Variants in PLD5 observed in about 807,000 individuals in gnomAD.
PLD5 encodes inactive phospholipase D5.
PLD5 carries 36 observed loss-of-function variants against 61.1 expected under a neutral mutation model. That is an observed-to-expected ratio of 0.59 (90% confidence interval 0.45 to 0.78). The LOEUF is 0.78. Among genes scored for constraint, PLD5 ranks in the 30% least tolerant of loss-of-function variants. The probability of loss-of-function intolerance (pLI) is 0.00; values close to 1 mark genes in which losing one functional copy is unlikely to be tolerated. For synonymous variants in PLD5, 243 were observed against 242.8 expected (o/e 1.00, Z -0.01); for missense variants, 515 against 644.4 (o/e 0.80, Z 2.17).
At position 242,132,206 on chromosome 1, in the gene PLD5, G is replaced by GC. The variant is rs1491310667; in HGVS notation, c.736-7542_736-7541insG. On this transcript the variant is annotated intron_variant, in intron 5 of 9. Transcript: ENST00000536534. ...TGCAGTGATTGCGGGGGGGGGGGGGGGCGGAATCATTTTTAGCTAGGTCAT... is the reference window on the plus strand; with the variant it reads ...TGCAGTGATTGCGGGGGGGGGGGGGGCGCGGAATCATTTTTAGCTAGGTCAT... Among the ~76,000 whole-genome samples the GC allele has an allele frequency of 1.1e-3, 94 of 87,066 alleles. 11 individuals are homozygous for GC. The highest frequency in any genetic ancestry group is 5.1e-3 in the African/African-American group (89 of 17,608). 57.1% of individuals were successfully genotyped at this position (87,066 alleles called of 152,430 possible).
At chr1:242,277,592 T>C (rs1674482622) in intron 3 of PLD5, among the ~76,000 whole-genome samples, 1 of 150,286 alleles carries the variant, frequency 6.7e-6, no homozygotes, top group Admixed American at 6.7e-5. Context: ...GTAAGTCTAA[T>C]ACATTGTATG....
rs73130704 is a variant in PLD5 at position 242,091,028 on chromosome 1, C to T, written c.1355-918G>A. 8.7e-3 allele frequency among the ~76,000 whole-genome samples: 1,322 copies of T among 152,200 alleles called. 24 individuals are homozygous for T. Among genetic ancestry groups the T allele is most frequent in the African/African-American group, 0.028 (1,173 of 41,502 alleles). On this transcript the variant is annotated intron_variant, in intron 9 of 9. Transcript: ENST00000536534. ...TCAGCCTCCCAATATGCTAGGATTACAGGCACGAGCCACTGTGCCCGACAT... is the reference window on the plus strand; with the variant it reads ...TCAGCCTCCCAATATGCTAGGATTATAGGCACGAGCCACTGTGCCCGACAT...
chr1:242,357,236 A>G (rs1283674876), intron 1 of PLD5, among the ~76,000 whole-genome samples: 1 of 151,568 alleles, frequency 6.6e-6, no homozygotes, highest in Non-Finnish European at 1.5e-5. Flanking sequence ...TTTTTCATTC[A>G]GCACTTTGAA....
intron 1 of PLD5, among the ~76,000 whole-genome samples, chr1:242,419,471 T>G (rs941283181): frequency 6.7e-6 from 1 of 149,098 alleles, no homozygotes; most frequent in African/African-American, 2.5e-5. Context: ...TCTCAGCTCA[T>G]GGCAACCTCC....
chr1:242,207,376 T>C (rs1558342866), intron 5 of PLD5, among the ~76,000 whole-genome samples: 1 of 152,098 alleles, frequency 6.6e-6, no homozygotes, highest in Non-Finnish European at 1.5e-5. Context: ...TGATTACAGG[T>C]CTTCGGTAGT....
chr1:242,186,312 A>G (rs1667882893), intron 5 of PLD5, among the ~76,000 whole-genome samples: 1 of 152,114 alleles, frequency 6.6e-6, no homozygotes, highest in South Asian at 2.1e-4. Context: ...CCTCCCGAGT[A>G]GCTGGGATTG....
At position 242,335,663 on chromosome 1, in the gene PLD5, CT is replaced by C. The variant is rs1353540306; in HGVS notation, c.326+12442del. On this transcript the variant is annotated intron_variant, in intron 2 of 9. Coordinates refer to ENST00000536534, the MANE Select transcript of PLD5 (RefSeq NM_001372062.1). ...CTAAAAGAGTGCTCAGAATAAAGTA[CT>C]TCATTTATAATAAGGGACAGCCCTG... Among the ~76,000 whole-genome samples, 6 of 152,142 alleles carry C rather than the reference CT, an allele frequency of 3.9e-5. No individual in the cohort carries two copies. In the East Asian group the frequency reaches 1.2e-3, roughly 29 times the overall value.
intron 1 of PLD5, among the ~76,000 whole-genome samples, chr1:242,427,029 G>A (rs1341353750): frequency 6.6e-6 from 1 of 152,272 alleles, no homozygotes; most frequent in East Asian, 1.9e-4. Flanking sequence ...AAGATGGAAG[G>A]AGCCTAAGTT....
upstream of PLD5, among the ~76,000 whole-genome samples, chr1:242,527,754 A>G (rs1468022281): frequency 6.6e-6 from 1 of 152,220 alleles, no homozygotes; most frequent in African/African-American, 2.4e-5. Flanking sequence ...ATTGAACCCA[A>G]CTGAAACTGT....
chr1:242,152,841 G>C (rs1266445654), intron 5 of PLD5, among the ~76,000 whole-genome samples: 2 of 152,148 alleles, frequency 1.3e-5, no homozygotes, highest in Non-Finnish European at 2.9e-5. Flanking sequence ...CTTTATAGTG[G>C]AATGATTTAT....
rs187714575 is a variant in PLD5, at chr1:242,308,737, C to T, written c.327-20207G>A. ...ACTACTGGGAGTCACAAAATTAGTC[C>T]TTTTTAAGAATTTAACAACTTTTTA... On this transcript the variant is annotated intron_variant, in intron 2 of 9. Transcript: ENST00000536534. Among the ~76,000 whole-genome samples the T allele has an allele frequency of 2.0e-4, 30 of 152,150 alleles. No individual in the cohort carries two copies. The East Asian group carries it at 4.8e-3, about 24-fold the overall frequency.
At chr1:242,421,176 CAAAAAA>C (rs5782234) in intron 1 of PLD5, among the ~76,000 whole-genome samples, 1 of 65,154 alleles carries the variant, frequency 1.5e-5, no homozygotes, top group African/African-American at 5.4e-5. Flanking sequence ...GACTCCACCT[CAAAAAA>C]AAAAAAAAAA....
chr1:242,267,772 T>G (rs1397257333), intron 3 of PLD5, among the ~76,000 whole-genome samples: 1 of 148,758 alleles, frequency 6.7e-6, no homozygotes, highest in African/African-American at 2.5e-5. Flanking sequence ...CTGTAGTCCC[T>G]GCTACTCAGG....
intron 5 of PLD5, among the ~76,000 whole-genome samples, chr1:242,169,944 T>C (rs1315378086): frequency 1.3e-5 from 2 of 152,188 alleles, no homozygotes; most frequent in Non-Finnish European, 2.9e-5. Context: ...CAGGGACTTA[T>C]AGATAAAACC....
intron 1 of PLD5, among the ~76,000 whole-genome samples, chr1:242,484,357 TA>T (rs1429010370): frequency 1.3e-5 from 2 of 151,862 alleles, no homozygotes; most frequent in South Asian, 2.1e-4. Context: ...ATAGATGCAA[TA>T]AAAAATGATA....
chr1:242,209,877 C>A (rs1222727091), intron 5 of PLD5, among the ~76,000 whole-genome samples: 3 of 152,174 alleles, frequency 2.0e-5, no homozygotes, highest in Non-Finnish European at 4.4e-5. Flanking sequence ...TCACTGCAAC[C>A]TCTGCCTCCC....
chr1:242,133,440 C>T (rs1275259823), intron 5 of PLD5, among the ~76,000 whole-genome samples: 4 of 152,162 alleles, frequency 2.6e-5, no homozygotes, highest in Non-Finnish European at 5.9e-5. Context: ...ACTTTTGTTT[C>T]AATAAATCTG....
chr1:242,283,464 C>G (rs1674836820), intron 3 of PLD5, among the ~76,000 whole-genome samples: 1 of 152,146 alleles, frequency 6.6e-6, no homozygotes, highest in Non-Finnish European at 1.5e-5. Context: ...TATGTGCCAT[C>G]TAAGGTTCCA....
intron 1 of PLD5, among the ~76,000 whole-genome samples, chr1:242,483,508 A>T (rs1038125185): frequency 2.8e-4 from 42 of 152,208 alleles, no homozygotes; most frequent in Admixed American, 6.5e-5. Flanking sequence ...AGAAGAGCTA[A>T]CTATCCTAAA....
Sources: allele counts gnomAD v4.1 joint callset (sites outside exome capture counted in the v4.1 genomes callset), GRCh38; gene constraint gnomAD v4.1.1; transcripts MANE v1.5; gene names NCBI Gene and HGNC (gene_info 2026-07-23, HGNC 2026-07-21).